The following FOXP1 variants were observed in gnomAD, a reference collection of about 807,000 sequenced individuals.
The protein encoded by FOXP1 is forkhead box protein P1.
In FOXP1, 15 loss-of-function variants were observed where a neutral mutation model predicts 98.2. The observed-to-expected ratio is 0.15, with a 90% CI of 0.10 to 0.24. The LOEUF is 0.24. Ranked by LOEUF, FOXP1 falls within the 10% of genes least tolerant of loss-of-function variation. FOXP1 has a pLI of 1.00. For missense variants in FOXP1, 633 were observed against 848.5 expected (o/e 0.75, Z 3.15); for synonymous variants, 371 against 314.5 (o/e 1.18, Z -1.90).
rs142192865 is a variant in FOXP1 at position 71,461,862 on chromosome 3, TCA to T, written c.-168+31562_-168+31563del. ...TTACAGGGACCACAGGTCTCTGGTA[TCA>T]CAGTGTAAAGTTACCCCATCAAGAG... On this transcript the variant is annotated intron_variant, in intron 3 of 20. Transcript: ENST00000649528. Among the ~76,000 whole-genome samples the T allele has an allele frequency of 2.7e-3, 413 of 150,782 alleles. 1 individual carries two copies. The highest frequency in any genetic ancestry group is 9.7e-3 in the African/African-American group (399 of 41,166).
At chr3:71,508,395 T>C (rs2041976637) in intron 2 of FOXP1, among the ~76,000 whole-genome samples, 1 of 152,206 alleles carries the variant, frequency 6.6e-6, no homozygotes. Flanking sequence ...AAGCAGATGC[T>C]AGGCAGGCGC....
At chr3:71,501,376 C>T (rs2041343039) in intron 2 of FOXP1, among the ~76,000 whole-genome samples, 1 of 150,550 alleles carries the variant, frequency 6.6e-6, no homozygotes, top group Non-Finnish European at 1.5e-5. Flanking sequence ...CTCACCACCA[C>T]CTCCGACTCC....
At chr3:71,508,686 G>A (rs1291551194) in intron 2 of FOXP1, among the ~76,000 whole-genome samples, 1 of 152,162 alleles carries the variant, frequency 6.6e-6, no homozygotes, top group Non-Finnish European at 1.5e-5. Context: ...TTAAGGCAAT[G>A]TGTCCCAATA....
At chr3:71,397,966 AAG>A (rs1470049308) in intron 3 of FOXP1, among the ~76,000 whole-genome samples, 1 of 152,154 alleles carries the variant, frequency 6.6e-6, no homozygotes, top group African/African-American at 2.4e-5. Context: ...AGAGTGGGGA[AAG>A]AGAGAGAAGG....
intron 2 of FOXP1, among the ~76,000 whole-genome samples, chr3:71,554,750 A>G (rs2046008687): frequency 6.6e-6 from 1 of 152,206 alleles, no homozygotes; most frequent in Non-Finnish European, 1.5e-5. Flanking sequence ...ATTCAATCTA[A>G]ATGAAAAGTC....
chr3:71,057,469 CA>C (rs200696075), intron 7 of FOXP1, among the ~76,000 whole-genome samples: 6,829 of 86,914 alleles, frequency 0.079, 141 homozygotes, highest in Middle Eastern at 0.087. Flanking sequence ...AAATATAAGG[CA>C]AAAAAAAAAA....
At chr3:70,959,898 C>G (rs2032877976) in intron 20 of FOXP1, among the ~76,000 whole-genome samples, 1 of 152,142 alleles carries the variant, frequency 6.6e-6, no homozygotes, top group South Asian at 2.1e-4. Context: ...CACTGAGTAC[C>G]AGATAACAGG....
At chr3:71,579,140 T>G (rs1332940774) in intron 2 of FOXP1, among the ~76,000 whole-genome samples, 1 of 152,210 alleles carries the variant, frequency 6.6e-6, no homozygotes, top group African/African-American at 2.4e-5. Flanking sequence ...ATGACAATTA[T>G]TTTTATTCTT....
chr3:71,062,392 T>C (rs1009727722), intron 7 of FOXP1, among the ~76,000 whole-genome samples: 9 of 152,240 alleles, frequency 5.9e-5, no homozygotes, highest in Non-Finnish European at 1.3e-4. Context: ...TCCGCGTTTC[T>C]ATGGCTGCAG....
intron 11 of FOXP1, chr3:71,040,281 T>G (rs1474648128): frequency 6.6e-6 from 1 of 152,216 alleles, no homozygotes; most frequent in Admixed American, 6.5e-5. Flanking sequence ...AATTAAATGT[T>G]TTTTCACTGA....
intron 5 of FOXP1, among the ~76,000 whole-genome samples, chr3:71,222,639 G>A (rs886707596): frequency 6.6e-6 from 1 of 152,050 alleles, no homozygotes; most frequent in African/African-American, 2.4e-5. Context: ...GGCTAGTCTC[G>A]AACTCCTGAC....
chr3:71,172,946 A>C (rs1488449465), intron 6 of FOXP1, among the ~76,000 whole-genome samples: 1 of 152,198 alleles, frequency 6.6e-6, no homozygotes, highest in African/African-American at 2.4e-5. Flanking sequence ...TCAGAGGCAA[A>C]AGTAAACTTA....
At chr3:71,401,628 G>T (rs762039247) in intron 3 of FOXP1, among the ~76,000 whole-genome samples, 4 of 152,274 alleles carry the variant, frequency 2.6e-5, no homozygotes, top group African/African-American at 9.6e-5. Flanking sequence ...AAAGGGATGC[G>T]GGAGAGAGCA....
chr3:71,205,064 G>A (rs2063933605), intron 5 of FOXP1, among the ~76,000 whole-genome samples: 2 of 152,182 alleles, frequency 1.3e-5, no homozygotes, highest in Non-Finnish European at 2.9e-5. Context: ...AAGTAATCAA[G>A]GGAATGAGCC....
At chr3:71,353,267 G>C (rs2077919175) in intron 4 of FOXP1, among the ~76,000 whole-genome samples, 1 of 152,224 alleles carries the variant, frequency 6.6e-6, no homozygotes, top group South Asian at 2.1e-4. Context: ...GTATTGAGAA[G>C]AGGGCAGCAC....
intron 11 of FOXP1, among the ~76,000 whole-genome samples, chr3:71,025,867 A>C (rs1012850293): frequency 3.3e-5 from 5 of 152,204 alleles, no homozygotes; most frequent in Non-Finnish European, 7.3e-5. Flanking sequence ...GTATCTTCTA[A>C]GCCTGGTTCA....
At chr3:71,501,830 G>T (rs2107192851) in intron 2 of FOXP1, among the ~76,000 whole-genome samples, 1 of 152,146 alleles carries the variant, frequency 6.6e-6, no homozygotes, top group Non-Finnish European at 1.5e-5. Context: ...GACTCATATT[G>T]TGGTACCCAG....
intron 11 of FOXP1, among the ~76,000 whole-genome samples, chr3:71,030,819 G>T (rs2046766844): frequency 6.6e-6 from 1 of 152,092 alleles, no homozygotes; most frequent in African/African-American, 2.4e-5. Context: ...TCTAATTAAA[G>T]TAAACTGCCA....
At position 71,583,589 on chromosome 3, in the gene FOXP1, C is replaced by G; in HGVS notation, c.-465G>C. 1.0e-6 allele frequency: 1 copy of G among 984,026 alleles called. No homozygotes were observed. The highest frequency in any genetic ancestry group is 1.2e-6 in the Non-Finnish European group (1 of 829,616). 61.0% of individuals were successfully genotyped at this position (984,026 alleles called of 1,614,324 possible). On this transcript the variant is annotated 5_prime_UTR_variant, in exon 1 of 21. Coordinates refer to ENST00000649528, the MANE Select transcript of FOXP1 (RefSeq NM_001349338.3). ...AACTCACCCGCTGCAAATGGTCTCT[C>G]GGTGCAAACTAAGGTGTTTTCGGGC...
Sources: allele counts gnomAD v4.1 joint callset (sites outside exome capture counted in the v4.1 genomes callset), GRCh38; gene constraint gnomAD v4.1.1; transcripts MANE v1.5; gene names NCBI Gene and HGNC (gene_info 2026-07-23, HGNC 2026-07-21).